Variants in AAMDC observed in about 807,000 individuals in gnomAD.
The protein encoded by AAMDC is adipogenesis associated Mth938 domain containing, also known as mth938 domain-containing protein.
In AAMDC, 16 loss-of-function variants were observed where a neutral mutation model predicts 15.5. That is an observed-to-expected ratio of 1.03 (90% CI 0.70 to 1.57). AAMDC has a LOEUF of 1.57. Ranked by LOEUF, AAMDC falls within the 40% of genes most tolerant of loss-of-function variation. The pLI is 0.00. For synonymous variants in AAMDC, 51 were observed against 51.6 expected (o/e 0.99, Z 0.05); for missense variants, 141 against 144.9 (o/e 0.97, Z 0.14).
At chr11:77,878,279 T>A (rs201822048) in intron 5 of AAMDC, among the ~76,000 whole-genome samples, 1 of 151,820 alleles carries the variant, frequency 6.6e-6, no homozygotes, top group Non-Finnish European at 1.5e-5. Context: ...GGAGAATGGC[T>A]TGAACCCAGG....
intron 2 of AAMDC, among the ~76,000 whole-genome samples, chr11:77,850,347 T>C (rs1950320488): frequency 6.6e-6 from 1 of 152,238 alleles, no homozygotes; most frequent in Non-Finnish European, 1.5e-5. Flanking sequence ...ACATAACTAA[T>C]AATTTTTGGA....
At chr11:77,868,240 G>A (rs1315820676) in intron 2 of AAMDC, among the ~76,000 whole-genome samples, 1 of 151,014 alleles carries the variant, frequency 6.6e-6, no homozygotes, top group African/African-American at 2.4e-5. Context: ...TATGTTTAGT[G>A]GAGACGGGGT....
intron 2 of AAMDC, among the ~76,000 whole-genome samples, chr11:77,852,995 T>C (rs1172625202): frequency 6.6e-6 from 1 of 152,184 alleles, no homozygotes; most frequent in African/African-American, 2.4e-5. Context: ...CAATACTACA[T>C]TGAATAACCA....
At chr11:77,876,243 C>T (rs1590985431), downstream of AAMDC, among the ~76,000 whole-genome samples, 1 of 152,050 alleles carries the variant, frequency 6.6e-6, no homozygotes, top group Non-Finnish European at 1.5e-5. Context: ...AAGAACAGAC[C>T]CCTGTGATGA....
At chr11:77,886,073 G>A (rs1325198806) in intron 5 of AAMDC, among the ~76,000 whole-genome samples, 1 of 151,892 alleles carries the variant, frequency 6.6e-6, no homozygotes, top group Non-Finnish European at 1.5e-5. Flanking sequence ...AGGTGTAGTG[G>A]TGTGTATCTC....
At chr11:77,876,156 T>C (rs1411703708), downstream of AAMDC, among the ~76,000 whole-genome samples, 4 of 152,140 alleles carry the variant, frequency 2.6e-5, no homozygotes, top group East Asian at 7.7e-4. Flanking sequence ...TACTTTTGTA[T>C]GAGGGATGAG....
chr11:77,842,533 C>A lies in AAMDC; in HGVS notation c.37C>A (p.Gln13Lys), dbSNP rs375662469. 1.2e-6 allele frequency: 2 copies of A among 1,613,854 alleles called. No individual in the cohort carries two copies. Among genetic ancestry groups the A allele is most frequent in the Non-Finnish European group, 1.7e-6 (2 of 1,179,940 alleles). ...SPEIASLSWG[Q>K]MKVKGSNTTY... Reference sequence around the variant, plus strand: ...TGAAATTGCTTCCTTATCATGGGGGCAAATGAAAGTAAAAGGCTCTAATAC... The same window carrying A: ...TGAAATTGCTTCCTTATCATGGGGGAAAATGAAAGTAAAAGGCTCTAATAC... Residue 13 changes from glutamine to lysine, a missense_variant, in exon 2 of 4, where the codon CAA becomes AAA. Transcript: ENST00000393427.
At chr11:77,841,434 G>T (rs930958955) in intron 1 of AAMDC, among the ~76,000 whole-genome samples, 1 of 152,110 alleles carries the variant, frequency 6.6e-6, no homozygotes, top group South Asian at 2.1e-4. Flanking sequence ...ATATAGCTTA[G>T]TGTTCAGCCA....
At chr11:77,830,360 G>C (rs1182021558) in intron 1 of AAMDC, among the ~76,000 whole-genome samples, 2 of 152,142 alleles carry the variant, frequency 1.3e-5, no homozygotes, top group Admixed American at 6.5e-5. Flanking sequence ...AAGGTTTGCT[G>C]AGGGCCTCAC....
chr11:77,871,581 G>A (rs980513699), intron 3 of AAMDC, among the ~76,000 whole-genome samples: 12 of 152,306 alleles, frequency 7.9e-5, no homozygotes, highest in African/African-American at 2.6e-4. Context: ...GTACATACAT[G>A]AGTCAATTTC....
At chr11:77,863,664 T>C (rs1324308402) in intron 2 of AAMDC, among the ~76,000 whole-genome samples, 2 of 152,030 alleles carry the variant, frequency 1.3e-5, no homozygotes, top group Non-Finnish European at 2.9e-5. Context: ...GCTGGGATTG[T>C]AGGCATAAGC....
chr11:77,869,697 G>A (rs1054149966), intron 2 of AAMDC, 25 bp from the exon 3 acceptor site: 12 of 1,606,042 alleles, frequency 7.5e-6, no homozygotes, highest in Non-Finnish European at 9.4e-6. Flanking sequence ...GCAGGTACCT[G>A]TCTACTTTCT....
chr11:77,865,175 G>C (rs909883117), intron 2 of AAMDC, among the ~76,000 whole-genome samples: 1 of 152,162 alleles, frequency 6.6e-6, no homozygotes, highest in Non-Finnish European at 1.5e-5. Flanking sequence ...TGCCTAACTA[G>C]TCATGGTTTA....
intron 1 of AAMDC, among the ~76,000 whole-genome samples, chr11:77,828,956 A>T (rs1949301117): frequency 1.3e-5 from 2 of 152,220 alleles, no homozygotes; most frequent in Admixed American, 1.3e-4. Flanking sequence ...AAGGACTCAC[A>T]CTTCCTGGCT....
At chr11:77,891,622 G>C in intron 5 of AAMDC, 1 of 1,581,948 alleles carries the variant, frequency 6.3e-7, no homozygotes, top group Admixed American at 1.7e-5. Context: ...AGATCACCAA[G>C]GTAAAGATTT....
intron 5 of AAMDC, among the ~76,000 whole-genome samples, chr11:77,888,946 G>T (rs1005435165): frequency 6.6e-6 from 1 of 152,198 alleles, no homozygotes; most frequent in Non-Finnish European, 1.5e-5. Context: ...AGAGGATGTG[G>T]AGAAATAGGA....
intron 5 of AAMDC, among the ~76,000 whole-genome samples, chr11:77,894,534 G>A (rs1438076164): frequency 4.6e-5 from 7 of 152,142 alleles, no homozygotes; most frequent in Admixed American, 4.6e-4. Context: ...CCCAAGACCT[G>A]ATTAAACCAC....
intron 1 of AAMDC, among the ~76,000 whole-genome samples, chr11:77,840,522 C>A (rs1411294785): frequency 2.0e-5 from 3 of 152,070 alleles, no homozygotes; most frequent in African/African-American, 7.2e-5. Flanking sequence ...GAGCCAGACT[C>A]CATCTCAAAA....
chr11:77,842,859 C>A (rs1949992088), intron 2 of AAMDC, among the ~76,000 whole-genome samples: 1 of 152,164 alleles, frequency 6.6e-6, no homozygotes, highest in Admixed American at 6.6e-5. Context: ...CAACAGTTAC[C>A]ACTGTTAGTT....
Sources: allele counts gnomAD v4.1 joint callset (sites outside exome capture counted in the v4.1 genomes callset), GRCh38; gene constraint gnomAD v4.1.1; transcripts MANE v1.5; gene names NCBI Gene and HGNC (gene_info 2026-07-23, HGNC 2026-07-21).